CNTN4: variants seen among roughly 807,000 people sequenced by gnomAD.
The protein encoded by CNTN4 is contactin 4, also known as contactin-4.
In CNTN4, 77 loss-of-function variants were observed where a neutral mutation model predicts 122.5. The ratio of observed to expected loss-of-function variants is 0.63; its 90% CI spans 0.52 to 0.76. CNTN4 has a LOEUF of 0.76. Ranked by LOEUF, CNTN4 falls within the 30% of genes least tolerant of loss-of-function variation. The pLI is 0.00. For missense variants in CNTN4, 1,256 were observed against 1,259.1 expected, an observed-to-expected ratio of 1.00 and a Z score of 0.04; for synonymous variants, 512 against 447.0, an observed-to-expected ratio of 1.15 and a Z score of -1.83.
At chr3:2,825,782 A>T (rs530185563) in intron 7 of CNTN4, among the ~76,000 whole-genome samples, 17 of 152,288 alleles carry the variant, frequency 1.1e-4, no homozygotes, top group Admixed American at 1.1e-3. Flanking sequence ...TTCCCAGAGT[A>T]TATTTAAAAA....
chr3:2,691,284 T>C (rs961030482), intron 4 of CNTN4, among the ~76,000 whole-genome samples: 2 of 152,166 alleles, frequency 1.3e-5, no homozygotes, highest in Non-Finnish European at 1.5e-5. Context: ...TAATATGCCC[T>C]CATCGTTTGT....
At chr3:2,573,058 A>G (rs927940503) in intron 4 of CNTN4, among the ~76,000 whole-genome samples, 8 of 152,106 alleles carry the variant, frequency 5.3e-5, no homozygotes, top group African/African-American at 1.7e-4. Flanking sequence ...AAGTTAAGAA[A>G]CTCACCCAAA....
At chr3:2,989,181 C>A (rs1694843769) in intron 14 of CNTN4, among the ~76,000 whole-genome samples, 1 of 152,172 alleles carries the variant, frequency 6.6e-6, no homozygotes, top group Non-Finnish European at 1.5e-5. Flanking sequence ...ATTTGCATTT[C>A]TTTCACTTTA....
chr3:2,344,434 C>T (rs762258639), intron 3 of CNTN4, among the ~76,000 whole-genome samples: 36 of 152,134 alleles, frequency 2.4e-4, no homozygotes, highest in Non-Finnish European at 4.7e-4. Flanking sequence ...CGTCTGCCAC[C>T]GCACCCAGCT....
chr3:2,994,617 G>GTA (rs1695360773), intron 14 of CNTN4, among the ~76,000 whole-genome samples: 2 of 126,144 alleles, frequency 1.6e-5, no homozygotes, highest in Non-Finnish European at 3.5e-5. Context: ...ATATATATGT[G>GTA]TGTATATATA....
chr3:2,167,979 A>T (rs2036276975), intron 2 of CNTN4, among the ~76,000 whole-genome samples: 1 of 152,138 alleles, frequency 6.6e-6, no homozygotes, highest in African/African-American at 2.4e-5. Context: ...CTCTACAAAA[A>T]ATTTTAAAAC....
intron 8 of CNTN4, among the ~76,000 whole-genome samples, chr3:2,872,909 A>G (rs1172758835): frequency 6.6e-6 from 1 of 152,150 alleles, no homozygotes; most frequent in African/African-American, 2.4e-5. Flanking sequence ...ATACCTGACC[A>G]TGTTTTCCCA....
intron 2 of CNTN4, among the ~76,000 whole-genome samples, chr3:2,199,671 C>G (rs930988639): frequency 6.6e-6 from 1 of 152,154 alleles, no homozygotes; most frequent in Non-Finnish European, 1.5e-5. Flanking sequence ...AGACAAGACA[C>G]CGCTGTTCTC....
chr3:2,400,420 T>C (rs1378084002), intron 3 of CNTN4, among the ~76,000 whole-genome samples: 3 of 56,946 alleles, frequency 5.3e-5, no homozygotes, highest in East Asian at 8.0e-4. Context: ...TATATATATA[T>C]ATATATACAT....
Position 3,037,180 on chromosome 3 carries a change from C to A in CNTN4, c.1944C>A (p.Val648=), listed in dbSNP as rs377138980. 3 of 1,614,030 alleles carry A rather than the reference C, an allele frequency of 1.9e-6. No individual in the cohort carries two copies. The highest frequency in any genetic ancestry group is 2.2e-5 in the East Asian group (1 of 44,904). The change falls in exon 18 of 25, where the codon GTC becomes GTA. Residue 648 remains valine (V), a splice_region_variant and synonymous_variant. Coordinates refer to ENST00000418658, the MANE Select transcript of CNTN4 (RefSeq NM_175607.3). ...CCCCCACCTTTTGTTGTCTTTCAGTCCCAGAACTCATTGATGGGAAGACAT... is the reference window on the plus strand; with the variant it reads ...CCCCCACCTTTTGTTGTCTTTCAGTACCAGAACTCATTGATGGGAAGACAT... ...FSVGWQAVST[V]PELIDGKTFT...
intron 2 of CNTN4, among the ~76,000 whole-genome samples, 152 bp downstream of exon 2, chr3:2,100,791 T>C (rs1404643077): frequency 6.6e-6 from 1 of 152,224 alleles, no homozygotes; most frequent in African/African-American, 2.4e-5. Flanking sequence ...AGCTATTGAT[T>C]TGTTTGTTGA....
At chr3:2,302,804 A>G (rs1199553677) in intron 2 of CNTN4, among the ~76,000 whole-genome samples, 2 of 152,186 alleles carry the variant, frequency 1.3e-5, no homozygotes, top group East Asian at 1.9e-4. Context: ...CTCATCCATA[A>G]GTTTATTAGT....
intron 4 of CNTN4, among the ~76,000 whole-genome samples, chr3:2,692,887 C>T (rs2085818124): frequency 6.6e-6 from 1 of 151,936 alleles, no homozygotes; most frequent in African/African-American, 2.4e-5. Flanking sequence ...CCTAAAAAAA[C>T]TAATGACTAA....
chr3:2,653,648 T>G (rs147943019), intron 4 of CNTN4, among the ~76,000 whole-genome samples: 2 of 152,330 alleles, frequency 1.3e-5, no homozygotes, highest in Non-Finnish European at 2.9e-5. Flanking sequence ...ACCTCTGCCT[T>G]CAACCTTTGT....
At chr3:2,287,569 CT>C (rs2041947223) in intron 2 of CNTN4, among the ~76,000 whole-genome samples, 1 of 148,894 alleles carries the variant, frequency 6.7e-6, no homozygotes, top group Non-Finnish European at 1.5e-5. Flanking sequence ...TGCCACTGCA[CT>C]TTAGCCTGGA....
In CNTN4 at chr3:2,755,995, G is replaced by A. The variant is rs114928980; in HGVS notation, c.358+10298G>A. ...TTTTTAAGTTTAATTTTTAGGCACT[G>A]AAGGTCAACATTCATGTGTTGCCAT... On this transcript the variant is annotated intron_variant, in intron 6 of 24. Coordinates refer to ENST00000418658, the MANE Select transcript of CNTN4 (RefSeq NM_175607.3). Among the ~76,000 whole-genome samples the A allele has an allele frequency of 4.8e-3, 731 of 152,230 alleles. 7 individuals carry two copies. Among genetic ancestry groups the A allele is most frequent in the African/African-American group, 0.016 (672 of 41,534 alleles).
At chr3:2,609,104 C>T (rs2081376622) in intron 4 of CNTN4, among the ~76,000 whole-genome samples, 2 of 152,226 alleles carry the variant, frequency 1.3e-5, no homozygotes, top group Non-Finnish European at 2.9e-5. Flanking sequence ...TAAATATTAA[C>T]ACATATGCTT....
intron 2 of CNTN4, among the ~76,000 whole-genome samples, chr3:2,303,295 T>C (rs1334541774): frequency 6.6e-6 from 1 of 152,190 alleles, no homozygotes; most frequent in Non-Finnish European, 1.5e-5. Flanking sequence ...ATTATAATAC[T>C]AATTCATCAT....
intron 2 of CNTN4, among the ~76,000 whole-genome samples, chr3:2,210,074 G>A (rs11922410): frequency 0.02 from 3,113 of 152,206 alleles, 101 homozygotes; most frequent in African/African-American, 0.071. Flanking sequence ...TTACCAAGGT[G>A]TGTAAGATAT....
Sources: gnomAD v4.1 joint callset for allele counts (sites outside exome capture counted in the v4.1 genomes callset) on GRCh38, gnomAD v4.1.1 for gene constraint, MANE v1.5 for transcripts, NCBI Gene and HGNC (gene_info 2026-07-23, HGNC 2026-07-21) for gene names.